Variants in IL1RAPL1 observed in about 807,000 individuals in gnomAD.
IL1RAPL1 encodes the protein interleukin 1 receptor accessory protein like 1.
Under a neutral mutation model 48.4 loss-of-function variants are expected in IL1RAPL1, and 3 were observed. The ratio of observed to expected loss-of-function variants is 0.06; its 90% CI spans 0.03 to 0.16. IL1RAPL1 has a LOEUF of 0.16. IL1RAPL1 is among the 10% of genes least tolerant of loss of function. The probability of loss-of-function intolerance (pLI) is 1.00; values close to 1 mark genes in which losing one functional copy is unlikely to be tolerated. For missense variants in IL1RAPL1, 349 were observed against 530.6 expected (o/e 0.66, Z 3.36); for synonymous variants, 185 against 187.7 (o/e 0.99, Z 0.12).
intron 5 of IL1RAPL1, among the ~76,000 whole-genome samples, chrX:29,567,800 G>A (rs982614452): frequency 1.8e-5 from 2 of 111,006 alleles, no homozygotes; most frequent in Non-Finnish European, 3.8e-5. Flanking sequence ...TGCTTCATTT[G>A]TTCATAGGTT....
intron 6 of IL1RAPL1, among the ~76,000 whole-genome samples, chrX:29,851,803 T>C (rs1461841524): frequency 9.0e-6 from 1 of 111,595 alleles, no homozygotes; most frequent in Non-Finnish European, 1.9e-5. Context: ...CATAATTCTA[T>C]CAAAGAAAAA....
chrX:28,961,036 A>AAAAAAAT (rs1924761309), intron 2 of IL1RAPL1, among the ~76,000 whole-genome samples: 3 of 106,107 alleles, frequency 2.8e-5, no homozygotes, highest in Non-Finnish European at 5.8e-5. Context: ...AAAAAAAAAA[A>AAAAAAAT]GTGTGGGTAA....
chrX:29,066,116 G>A lies in IL1RAPL1; in HGVS notation c.83-216822G>A, dbSNP rs188257303. On this transcript the variant is annotated intron_variant, in intron 2 of 10. Transcript: ENST00000378993. ...TTCTTTGTGTGTCTTTTTTCTTATT[G>A]AAAAATGGACATTTTAGATACTTTA... Among the ~76,000 whole-genome samples, 28 of 111,700 alleles carry A rather than the reference G, an allele frequency of 2.5e-4. No homozygotes were observed. In the East Asian group the frequency reaches 6.8e-3, roughly 27 times the overall value.
intron 5 of IL1RAPL1, among the ~76,000 whole-genome samples, chrX:29,503,316 TTTTG>T (rs769570838): frequency 3.6e-5 from 4 of 111,681 alleles, no homozygotes; most frequent in South Asian, 7.4e-4. Context: ...TATTCCAGGG[TTTTG>T]TTTGTTTGTT....
At position 29,375,313 on chromosome X, in the gene IL1RAPL1, C is replaced by T. The variant is rs184589401; in HGVS notation, c.363-20945C>T. ...AGTAGCTGGGATTACAGGCACCCGC[C>T]GCCATGCCTGGCTAGGTTTTTTTTG... On this transcript the variant is annotated intron_variant, in intron 3 of 10. Coordinates refer to ENST00000378993, the MANE Select transcript of IL1RAPL1 (RefSeq NM_014271.4). Among the ~76,000 whole-genome samples, 447 of 108,179 alleles carry T rather than the reference C, an allele frequency of 4.1e-3. 1 individual carries two copies. The highest frequency in any genetic ancestry group is 0.014 in the African/African-American group (429 of 29,666). The allele number at this position is 108,179 out of a possible 115,157, so 93.9% of individuals were successfully genotyped here. A position where few individuals can be genotyped will look rare whatever the true frequency, so the allele number is the denominator to read the frequency against.
At chrX:29,158,087 A>C (rs892702975) in intron 2 of IL1RAPL1, among the ~76,000 whole-genome samples, 5 of 111,302 alleles carry the variant, frequency 4.5e-5, no homozygotes, top group Admixed American at 3.8e-4. Flanking sequence ...GTTATTTAGA[A>C]TGACCCCAAG....
chrX:29,405,723 T>TG (rs1466829336), intron 5 of IL1RAPL1, among the ~76,000 whole-genome samples: 1 of 110,094 alleles, frequency 9.1e-6, no homozygotes, highest in Non-Finnish European at 1.9e-5. Flanking sequence ...GAATATGGTA[T>TG]GCCTAGGTAT....
intron 5 of IL1RAPL1, among the ~76,000 whole-genome samples, chrX:29,449,738 TACACACACACACACAC>T (rs539577442): frequency 0.025 from 1,620 of 63,896 alleles, 15 homozygotes; most frequent in Middle Eastern, 0.056. Context: ...TACATATGCA[TACACACACACACACAC>T]ACACACACAC....
intron 5 of IL1RAPL1, among the ~76,000 whole-genome samples, chrX:29,497,172 CTGAT>C (rs973786140): frequency 1.3e-4 from 14 of 111,858 alleles, no homozygotes; most frequent in African/African-American, 3.2e-4. Context: ...CCACGGCCCT[CTGAT>C]TTATTTATAG....
At chrX:28,699,334 G>T (rs1415049010) in intron 1 of IL1RAPL1, among the ~76,000 whole-genome samples, 1 of 112,116 alleles carries the variant, frequency 8.9e-6, no homozygotes, top group African/African-American at 3.2e-5. Context: ...TACAAAGAAA[G>T]TGTTCAATAG....
intron 1 of IL1RAPL1, among the ~76,000 whole-genome samples, chrX:28,752,860 C>A (rs1601887727): frequency 8.9e-6 from 1 of 111,901 alleles, no homozygotes; most frequent in South Asian, 3.7e-4. Flanking sequence ...AGTTCTGATC[C>A]CTATGCCTCC....
intron 6 of IL1RAPL1, among the ~76,000 whole-genome samples, chrX:29,743,189 AT>A (rs1928250854): frequency 9.2e-6 from 1 of 108,114 alleles, no homozygotes; most frequent in Admixed American, 1.0e-4. Context: ...AAATACATGT[AT>A]ATTAGTTTAA....
chrX:29,198,365 C>T (rs1443514917), intron 2 of IL1RAPL1, among the ~76,000 whole-genome samples: 1 of 109,392 alleles, frequency 9.1e-6, no homozygotes. Flanking sequence ...GGCATGATCT[C>T]GGCTCACTGC....
intron 1 of IL1RAPL1, among the ~76,000 whole-genome samples, chrX:28,660,160 TTAAAC>T (rs1197544507): frequency 8.7e-5 from 9 of 103,906 alleles, no homozygotes; most frequent in African/African-American, 2.8e-4. Flanking sequence ...TGGGTTGCCA[TTAAAC>T]TTAATTGACT....
chrX:29,595,020 A>G (rs1181488117), intron 5 of IL1RAPL1, among the ~76,000 whole-genome samples: 3 of 112,256 alleles, frequency 2.7e-5, no homozygotes, highest in Non-Finnish European at 5.6e-5. Flanking sequence ...CACTTAGAAT[A>G]ACAGTCTCCA....
At chrX:28,613,198 A>G (rs922088183) in intron 1 of IL1RAPL1, among the ~76,000 whole-genome samples, 1 of 112,393 alleles carries the variant, frequency 8.9e-6, no homozygotes, top group African/African-American at 3.2e-5. Flanking sequence ...TTAAGATTAG[A>G]CTTAAACTAA....
At chrX:28,665,368 A>G (rs1231308430) in intron 1 of IL1RAPL1, among the ~76,000 whole-genome samples, 1 of 112,282 alleles carries the variant, frequency 8.9e-6, no homozygotes, top group Admixed American at 9.4e-5. Context: ...TATGTCCCAA[A>G]TATTACATGA....
chrX:29,800,433 C>T (rs1425570086), intron 6 of IL1RAPL1, among the ~76,000 whole-genome samples: 2 of 110,004 alleles, frequency 1.8e-5, no homozygotes, highest in African/African-American at 6.6e-5. Flanking sequence ...CTTCCTTCAA[C>T]AAAAGTTACC....
At chrX:29,520,392 G>A (rs769431609) in intron 5 of IL1RAPL1, among the ~76,000 whole-genome samples, 13 of 111,579 alleles carry the variant, frequency 1.2e-4, no homozygotes, top group Non-Finnish European at 2.3e-4. Flanking sequence ...GAGTTCTATC[G>A]ATGCTACATA....
Sources: gnomAD v4.1 joint callset for allele counts (sites outside exome capture counted in the v4.1 genomes callset) on GRCh38, gnomAD v4.1.1 for gene constraint, MANE v1.5 for transcripts, NCBI Gene and HGNC (gene_info 2026-07-23, HGNC 2026-07-21) for gene names.